Variants in TMEM132D observed in about 807,000 individuals in gnomAD.
TMEM132D encodes transmembrane protein 132D, also known as mature OL transmembrane protein.
In TMEM132D, 21 loss-of-function variants were observed where a neutral mutation model predicts 62.3. The observed-to-expected ratio is 0.34, with a 90% CI of 0.24 to 0.49. The LOEUF (loss-of-function observed/expected upper bound fraction) is 0.49, where lower values mean the gene tolerates loss of function less well. TMEM132D is among the 20% of genes least tolerant of loss of function. TMEM132D has a pLI of 0.99. For synonymous variants in TMEM132D, 621 were observed against 575.6 expected, an observed-to-expected ratio of 1.08 and a Z score of -1.13; for missense variants, 1,346 against 1,402.8, an observed-to-expected ratio of 0.96 and a Z score of 0.65.
intron 3 of TMEM132D, among the ~76,000 whole-genome samples, chr12:129,347,546 T>C (rs1419559696): frequency 3.3e-5 from 5 of 152,158 alleles, no homozygotes; most frequent in South Asian, 2.1e-4. Context: ...TTATACCTTA[T>C]ACAAAAATTA....
At chr12:129,259,701 CA>C (rs1880502885) in intron 4 of TMEM132D, among the ~76,000 whole-genome samples, 1 of 152,116 alleles carries the variant, frequency 6.6e-6, no homozygotes, top group Non-Finnish European at 1.5e-5. Flanking sequence ...ACTAAATTGG[CA>C]GCTGTGAAGA....
intron 5 of TMEM132D, among the ~76,000 whole-genome samples, chr12:129,103,663 G>A (rs540033775): frequency 1.3e-4 from 20 of 152,270 alleles, no homozygotes; most frequent in African/African-American, 4.1e-4. Context: ...GATTACAGGC[G>A]TGAGCCACCA....
chr12:129,736,919 G>A (rs1869446398), intron 1 of TMEM132D, among the ~76,000 whole-genome samples: 1 of 150,878 alleles, frequency 6.6e-6, no homozygotes, highest in Non-Finnish European at 1.5e-5. Context: ...CCGGGCTCAA[G>A]CGATTCTCCT....
At chr12:129,712,582 C>T (rs565033621) in intron 1 of TMEM132D, among the ~76,000 whole-genome samples, 12 of 152,302 alleles carry the variant, frequency 7.9e-5, no homozygotes, top group Admixed American at 2.0e-4. Context: ...AACGGGGCCA[C>T]GCACCACCAG....
chr12:129,275,928 A>G (rs1051597484), intron 4 of TMEM132D, among the ~76,000 whole-genome samples: 1 of 152,188 alleles, frequency 6.6e-6, no homozygotes, highest in Non-Finnish European at 1.5e-5. Context: ...ATCAAGAGTG[A>G]TTTGGTAGAT....
chr12:129,309,848 A>T (rs1235249673), intron 4 of TMEM132D, among the ~76,000 whole-genome samples: 1 of 147,884 alleles, frequency 6.8e-6, no homozygotes, highest in Non-Finnish European at 1.5e-5. Context: ...AGCTACATTT[A>T]AAAAAAAACT....
intron 1 of TMEM132D, among the ~76,000 whole-genome samples, chr12:129,749,561 A>G (rs942313335): frequency 1.3e-5 from 2 of 151,754 alleles, no homozygotes; most frequent in Non-Finnish European, 2.9e-5. Context: ...CGTTCAAGCA[A>G]TTCTCCTGCC....
In TMEM132D at chr12:129,371,914, A is replaced by T. The variant is rs556926030; in HGVS notation, c.1116-34097T>A. On this transcript the variant is annotated intron_variant, in intron 3 of 8. Transcript: ENST00000422113. The surrounding 1 kb of genome is among the most constrained non-coding windows in gnomAD (Gnocchi z 4.3). ...TATATGCTACAGCCCAGATCCTGAG[A>T]TGCCAGCATTCTTGTTGTTGTGATA... Among the ~76,000 whole-genome samples the T allele has an allele frequency of 6.6e-6, 1 of 152,304 alleles. No homozygotes were observed. The highest frequency in any genetic ancestry group is 6.5e-5 in the Admixed American group (1 of 15,298).
intron 3 of TMEM132D, among the ~76,000 whole-genome samples, chr12:129,529,740 T>A (rs1178482823): frequency 2.6e-5 from 4 of 152,208 alleles, no homozygotes; most frequent in Non-Finnish European, 5.9e-5. Context: ...CATTTGCCCA[T>A]CAATCTATCC....
chr12:129,743,760 C>T (rs1460394179), intron 1 of TMEM132D, among the ~76,000 whole-genome samples: 2 of 152,148 alleles, frequency 1.3e-5, no homozygotes, highest in African/African-American at 4.8e-5. Flanking sequence ...AGGCTCAAAT[C>T]ACCGAGGCCC....
At chr12:129,124,212 C>T (rs1876147403) in intron 5 of TMEM132D, among the ~76,000 whole-genome samples, 1 of 151,866 alleles carries the variant, frequency 6.6e-6, no homozygotes, top group Non-Finnish European at 1.5e-5. Flanking sequence ...CCACTTCTGC[C>T]TCCTCCCTCA....
At chr12:129,133,943 C>T (rs1185803707) in intron 5 of TMEM132D, among the ~76,000 whole-genome samples, 1 of 152,202 alleles carries the variant, frequency 6.6e-6, no homozygotes, top group African/African-American at 2.4e-5. Flanking sequence ...ACCATCTCTG[C>T]CACCTCATGG....
At chr12:129,622,222 AG>A (rs1879091712) in intron 2 of TMEM132D, among the ~76,000 whole-genome samples, 3 of 152,200 alleles carry the variant, frequency 2.0e-5, no homozygotes, top group Non-Finnish European at 4.4e-5. Flanking sequence ...AGAGTCCACA[AG>A]CCCCACTCGT....
At chr12:129,415,168 T>C (rs185128989) in intron 3 of TMEM132D, among the ~76,000 whole-genome samples, 1 of 152,224 alleles carries the variant, frequency 6.6e-6, no homozygotes, top group Non-Finnish European at 1.5e-5. Flanking sequence ...GCTGATTTTA[T>C]CTCCTTTGGA....
chr12:129,365,862 G>A (rs555465973), intron 3 of TMEM132D, among the ~76,000 whole-genome samples: 2 of 151,838 alleles, frequency 1.3e-5, no homozygotes, highest in South Asian at 2.1e-4. Context: ...CGTGCCGCAG[G>A]GGGGCAGCCC....
intron 5 of TMEM132D, among the ~76,000 whole-genome samples, chr12:129,149,829 G>A (rs747711796): frequency 1.3e-5 from 2 of 152,142 alleles, no homozygotes; most frequent in African/African-American, 2.4e-5. Context: ...GATAGACAGC[G>A]GAAATAGAAA....
intron 1 of TMEM132D, among the ~76,000 whole-genome samples, chr12:129,883,026 G>C (rs1307149568): frequency 6.6e-6 from 1 of 152,178 alleles, no homozygotes; most frequent in Non-Finnish European, 1.5e-5. Context: ...ACCCTGGCCA[G>C]TGCAATACAC....
chr12:129,484,374 A>G (rs1874521974), intron 3 of TMEM132D, among the ~76,000 whole-genome samples: 1 of 152,212 alleles, frequency 6.6e-6, no homozygotes, highest in Admixed American at 6.5e-5. Context: ...GTAACTTTAT[A>G]TTCTCTACAG....
intron 4 of TMEM132D, among the ~76,000 whole-genome samples, chr12:129,214,171 G>A (rs1399321276): frequency 2.0e-5 from 3 of 152,242 alleles, no homozygotes; most frequent in Non-Finnish European, 4.4e-5. Flanking sequence ...TAGGGTACAA[G>A]GGAAATGTGT....
Sources: gnomAD v4.1 joint callset for allele counts (sites outside exome capture counted in the v4.1 genomes callset) on GRCh38, gnomAD v4.1.1 for gene constraint, Gnocchi (gnomAD v3.1) non-coding constraint, MANE v1.5 for transcripts, NCBI Gene and HGNC (gene_info 2026-07-23, HGNC 2026-07-21) for gene names.